Variants in NFIL3 observed in about 807,000 individuals in gnomAD.
NFIL3 encodes the protein nuclear factor interleukin-3-regulated protein.
In NFIL3, 5 loss-of-function variants were observed where a neutral mutation model predicts 10.0. That is an observed-to-expected ratio of 0.50 (90% CI 0.26 to 1.06). The LOEUF (loss-of-function observed/expected upper bound fraction) is 1.06, where lower values mean the gene tolerates loss of function less well. Ranked by LOEUF, NFIL3 falls within the 50% of genes least tolerant of loss-of-function variation. The pLI is 0.13. For synonymous variants in NFIL3, 202 were observed against 206.5 expected (o/e 0.98, Z 0.19); for missense variants, 436 against 547.6 (o/e 0.80, Z 2.03).
At chr9:91,428,328 C>A (rs939900113), upstream of NFIL3, among the ~76,000 whole-genome samples, 15 of 152,080 alleles carry the variant, frequency 9.9e-5, no homozygotes, top group African/African-American at 3.6e-4. Context: ...CCTTCATTCC[C>A]CCAAACATCC....
the NFIL3 span, among the ~76,000 whole-genome samples, chr9:91,435,697 TC>T: frequency 1.3e-5 from 2 of 152,230 alleles, no homozygotes; most frequent in Non-Finnish European, 2.9e-5. Context: ...TGACTACCAT[TC>T]TATTCTGTGA....
At chr9:91,411,062 G>A (rs540047429) in intron 1 of NFIL3, among the ~76,000 whole-genome samples, 156 bp from the exon 2 acceptor site, 1 of 152,330 alleles carries the variant, frequency 6.6e-6, no homozygotes, top group East Asian at 1.9e-4. Context: ...TTTCAAAAAG[G>A]AAATAAGTTC....
At chr9:91,476,333 G>A in the NFIL3 span, among the ~76,000 whole-genome samples, 1 of 152,190 alleles carries the variant, frequency 6.6e-6, no homozygotes, top group Admixed American at 6.5e-5. Flanking sequence ...AGCACTTTGG[G>A]AGGCTGAGGC....
the NFIL3 span, among the ~76,000 whole-genome samples, chr9:91,475,549 G>A: frequency 6.6e-6 from 1 of 151,966 alleles, no homozygotes; most frequent in African/African-American, 2.4e-5. Flanking sequence ...GAAATTATTG[G>A]AACACAAAGA....
chr9:91,422,426 C>T (rs913073391), intron 1 of NFIL3, among the ~76,000 whole-genome samples: 4 of 150,904 alleles, frequency 2.7e-5, no homozygotes, highest in African/African-American at 9.8e-5. Context: ...AAACTCCATG[C>T]TTACCCGGTT....
chr9:91,474,265 T>G, the NFIL3 span, among the ~76,000 whole-genome samples: 1 of 152,180 alleles, frequency 6.6e-6, no homozygotes, highest in Admixed American at 6.5e-5. Context: ...TTTTTGAATA[T>G]TGACCTGTCT....
chr9:91,409,748 G>A lies in NFIL3; in HGVS notation c.987C>T (p.Ile329=). Residue 329 remains isoleucine (I), a synonymous_variant, in exon 2 of 2, where the codon ATC becomes ATT. Coordinates refer to ENST00000297689, the MANE Select transcript of NFIL3 (RefSeq NM_005384.3). ...CTTTGATCTGCATGGCTTTGGCTTT[G>A]ATCCGGAGCTTGTGTGGCAAGGCAG... The part of the protein sequence containing the change: ...NSSALPHKLR[I]KAKAMQIKVE... The A allele has an allele frequency of 1.2e-6, 2 of 1,614,196 alleles. No homozygotes were observed. The highest frequency in any genetic ancestry group is 4.5e-5 in the East Asian group (2 of 44,882).
chr9:91,433,894 G>C, the NFIL3 span, among the ~76,000 whole-genome samples: 1 of 151,740 alleles, frequency 6.6e-6, no homozygotes, highest in Non-Finnish European at 1.5e-5. Flanking sequence ...TTCACAATAA[G>C]AAAAACTATC....
At chr9:91,429,378 G>A in the NFIL3 span, among the ~76,000 whole-genome samples, 1 of 152,144 alleles carries the variant, frequency 6.6e-6, no homozygotes, top group African/African-American at 2.4e-5. Flanking sequence ...TGACTAACAT[G>A]CCACCAGCAT....
the NFIL3 span, among the ~76,000 whole-genome samples, chr9:91,440,574 A>G: frequency 8.6e-3 from 1,307 of 151,412 alleles, 18 homozygotes; most frequent in African/African-American, 0.031. Context: ...TTCTTTTTCT[A>G]GTTCTTGAAG....
chr9:91,458,205 A>G, the NFIL3 span, among the ~76,000 whole-genome samples: 1 of 152,100 alleles, frequency 6.6e-6, no homozygotes, highest in Non-Finnish European at 1.5e-5. Context: ...AAGAGTTTTT[A>G]TAGAATTAGT....
upstream of NFIL3, among the ~76,000 whole-genome samples, chr9:91,425,645 T>C (rs191140658): frequency 6.6e-6 from 1 of 152,366 alleles, no homozygotes; most frequent in East Asian, 1.9e-4. Context: ...ACTTTTCTCA[T>C]ACATATATAA....
At chr9:91,481,844 T>C in the NFIL3 span, among the ~76,000 whole-genome samples, 1 of 152,202 alleles carries the variant, frequency 6.6e-6, no homozygotes, top group East Asian at 1.9e-4. Flanking sequence ...TGCGAAATAG[T>C]CATAAAATAT....
chr9:91,422,700 A>C (rs897331241), intron 1 of NFIL3, among the ~76,000 whole-genome samples: 1 of 152,222 alleles, frequency 6.6e-6, no homozygotes, highest in Admixed American at 6.5e-5. Flanking sequence ...GGAATGCATT[A>C]AAATTAGGAA....
the NFIL3 span, among the ~76,000 whole-genome samples, chr9:91,480,625 A>T: frequency 2.0e-5 from 3 of 152,226 alleles, no homozygotes; most frequent in African/African-American, 7.2e-5. Context: ...GTATTTTAAA[A>T]TTTGGCGATG....
At chr9:91,478,328 C>T in the NFIL3 span, among the ~76,000 whole-genome samples, 7 of 152,224 alleles carry the variant, frequency 4.6e-5, no homozygotes, top group East Asian at 1.4e-3. Context: ...TCCCATATTT[C>T]TTGGAGGCTT....
upstream of NFIL3, chr9:91,427,188 T>G (rs1240482959): frequency 6.6e-6 from 1 of 151,508 alleles, no homozygotes; most frequent in African/African-American, 2.4e-5. Context: ...ACTTTCTTTT[T>G]TTTGGTAAAA....
the NFIL3 span, among the ~76,000 whole-genome samples, chr9:91,470,213 G>C: frequency 6.6e-6 from 1 of 151,882 alleles, no homozygotes; most frequent in Non-Finnish European, 1.5e-5. Flanking sequence ...TTCAGAGCCT[G>C]TTATTGGTCT....
the NFIL3 span, among the ~76,000 whole-genome samples, chr9:91,477,770 C>A: frequency 0.03 from 4,591 of 152,048 alleles, 96 homozygotes; most frequent in East Asian, 0.094. Flanking sequence ...ACAAAGAGAC[C>A]CCAAAAGTGG....
Sources: gnomAD v4.1 joint callset for allele counts (sites outside exome capture counted in the v4.1 genomes callset) on GRCh38, gnomAD v4.1.1 for gene constraint, MANE v1.5 for transcripts, NCBI Gene and HGNC (gene_info 2026-07-23, HGNC 2026-07-21) for gene names.